PMPCB: variants seen among roughly 807,000 people sequenced by gnomAD.
PMPCB encodes the protein peptidase, mitochondrial processing subunit beta, also known as mitochondrial-processing peptidase subunit beta.
Under a neutral mutation model 61.5 loss-of-function variants are expected in PMPCB, and 46 were observed. The observed-to-expected ratio is 0.75, with a 90% confidence interval of 0.59 to 0.96. The LOEUF is 0.96. PMPCB is among the 40% of genes least tolerant of loss of function. The probability of loss-of-function intolerance (pLI) is 0.00; values close to 1 mark genes in which losing one functional copy is unlikely to be tolerated. For synonymous variants in PMPCB, 191 were observed against 201.6 expected, an observed-to-expected ratio of 0.95 and a Z score of 0.44; for missense variants, 590 against 602.4, an observed-to-expected ratio of 0.98 and a Z score of 0.22.
At position 103,298,603 on chromosome 7, in the gene PMPCB, A is replaced by C; in HGVS notation, c.135A>C (p.Thr45=). 1 of 1,614,060 alleles carries C rather than the reference A, an allele frequency of 6.2e-7. No individual in the cohort carries two copies. The highest frequency in any genetic ancestry group is 8.5e-7 in the Non-Finnish European group (1 of 1,179,898). ...LYFGENRLRS[T]QAATQVVLNV... is the part of the protein sequence containing the mutation. Reference sequence around the variant, plus strand: ...TTGGAGAGAACAGATTAAGAAGTACACAGGCTGCTACCCAAGTTGTTCTGA... The same window carrying C: ...TTGGAGAGAACAGATTAAGAAGTACCCAGGCTGCTACCCAAGTTGTTCTGA... Residue 45 remains threonine, a synonymous_variant, in exon 2 of 13, where the codon ACA becomes ACC. Coordinates refer to ENST00000249269, the MANE Select transcript of PMPCB (RefSeq NM_004279.3).
intron 12 of PMPCB, among the ~76,000 whole-genome samples, chr7:103,326,852 A>G (rs1307011215): frequency 6.6e-6 from 1 of 152,204 alleles, no homozygotes; most frequent in Non-Finnish European, 1.5e-5. Context: ...CTTTAGCACT[A>G]CTGGATATAA....
At chr7:103,297,998 T>C in intron 1 of PMPCB, 1 of 1,096,528 alleles carries the variant, frequency 9.1e-7, no homozygotes, top group East Asian at 7.2e-5. Flanking sequence ...AGAGAGCCTC[T>C]GACTTTAAGC....
chr7:103,314,414 C>T lies in PMPCB; in HGVS notation c.*2143C>T. ...CATAAAAGAGGCAAAGGAGTCATACCCACATAGCACTACTGCCAGTCACTC... is the reference window on the plus strand; with the variant it reads ...CATAAAAGAGGCAAAGGAGTCATACTCACATAGCACTACTGCCAGTCACTC... On this transcript the variant is annotated 3_prime_UTR_variant, in exon 13 of 13. Coordinates refer to ENST00000249269, the MANE Select transcript of PMPCB (RefSeq NM_004279.3). 1.0e-6 allele frequency: 1 copy of T among 985,324 alleles called. No homozygotes were observed. The highest frequency in any genetic ancestry group is 1.2e-6 in the Non-Finnish European group (1 of 829,914). 61.0% of individuals were successfully genotyped at this position (985,324 alleles called of 1,614,324 possible).
chr7:103,313,421 C>T lies in PMPCB; in HGVS notation c.*1150C>T, dbSNP rs1315137218. ...AAAAGCCATATTTAAATTTATAGTA[C>T]TGTTGGACTCTTGGACTCAAAAACA... On this transcript the variant is annotated 3_prime_UTR_variant, in exon 13 of 13. Coordinates refer to ENST00000249269, the MANE Select transcript of PMPCB (RefSeq NM_004279.3). 2.0e-6 allele frequency: 2 copies of T among 982,918 alleles called. No homozygotes were observed. Among genetic ancestry groups the T allele is most frequent in the Admixed American group, 1.2e-4 (2 of 16,266 alleles). 60.9% of individuals were successfully genotyped at this position (982,918 alleles called of 1,614,324 possible).
intron 12 of PMPCB, chr7:103,321,985 T>C (rs759061813): frequency 6.2e-7 from 1 of 1,614,134 alleles, no homozygotes; most frequent in Non-Finnish European, 8.5e-7. Flanking sequence ...TTTTTCTGGA[T>C]ATCTTTTTCC....
At chr7:103,299,115 G>C (rs1038774739) in intron 2 of PMPCB, among the ~76,000 whole-genome samples, 24 of 152,206 alleles carry the variant, frequency 1.6e-4, no homozygotes, top group Admixed American at 1.6e-3. Flanking sequence ...AGGTAACTCA[G>C]CTAATACATG....
chr7:103,312,338 G>C lies in PMPCB; in HGVS notation c.*67G>C. ...AACAGAGCTAGAGAAAAATAAAAAT[G>C]AACATGTATATACATTTGGAAATTT... is the stretch of plus-strand genomic sequence containing the variant. On this transcript the variant is annotated 3_prime_UTR_variant, in exon 13 of 13. Transcript: ENST00000249269. The C allele has an allele frequency of 6.3e-7, 1 of 1,591,584 alleles. No homozygotes were observed. The highest frequency in any genetic ancestry group is 2.2e-5 in the East Asian group (1 of 44,674).
At chr7:103,298,936 ATTAT>A (rs1176074513) in intron 2 of PMPCB, among the ~76,000 whole-genome samples, 1 of 152,166 alleles carries the variant, frequency 6.6e-6, no homozygotes, top group Non-Finnish European at 1.5e-5. Flanking sequence ...CTTATTATTG[ATTAT>A]TTATTTTCAG....
intron 1 of PMPCB, 82 bp from the exon 2 acceptor site, chr7:103,298,486 A>G: frequency 7.5e-7 from 1 of 1,330,992 alleles, no homozygotes; most frequent in Non-Finnish European, 1.0e-6. Flanking sequence ...TATTTAAAAT[A>G]GATTTGGTTT....
chr7:103,314,606 T>A lies in PMPCB; in HGVS notation c.*2335T>A. On this transcript the variant is annotated 3_prime_UTR_variant, in exon 13 of 13. Coordinates refer to ENST00000249269, the MANE Select transcript of PMPCB (RefSeq NM_004279.3). ...AGGTGCAGGAGAATAAACTCCTTTA[T>A]AAAGAAGTGTCTTTCAGGTGTTCTG... 1 of 985,414 alleles carries A rather than the reference T, an allele frequency of 1.0e-6. No homozygotes were observed. The highest frequency in any genetic ancestry group is 1.2e-6 in the Non-Finnish European group (1 of 829,894). 61.0% of individuals were successfully genotyped at this position (985,414 alleles called of 1,614,324 possible).
intron 2 of PMPCB, 124 bp downstream of exon 2, chr7:103,298,832 A>G: frequency 2.3e-6 from 2 of 867,170 alleles, no homozygotes; most frequent in East Asian, 5.3e-5. Context: ...TTGCCTTGAC[A>G]GATTTCCATG....
chr7:103,343,122 C>T, the PMPCB span, among the ~76,000 whole-genome samples: 7 of 152,168 alleles, frequency 4.6e-5, no homozygotes, highest in African/African-American at 9.6e-5. Context: ...GCCTCAGCCT[C>T]CCAAGTTGCT....
At chr7:103,316,782 C>A, downstream of PMPCB, 1 of 1,475,882 alleles carries the variant, frequency 6.8e-7, no homozygotes, top group Non-Finnish European at 9.4e-7. Context: ...TCTACATTAT[C>A]TCCAGGCTCC....
downstream of PMPCB, chr7:103,314,707 T>G (rs1294700349): frequency 1.1e-6 from 1 of 950,806 alleles, no homozygotes; most frequent in Non-Finnish European, 1.3e-6. Flanking sequence ...TCACTGCTGA[T>G]TTTTGCAATG....
the PMPCB span, among the ~76,000 whole-genome samples, chr7:103,343,221 G>C: frequency 6.6e-6 from 1 of 151,642 alleles, no homozygotes; most frequent in African/African-American, 2.4e-5. Context: ...GGCTGGTCTC[G>C]AACTGCTGAC....
chr7:103,317,298 G>A, downstream of PMPCB: 1 of 332,124 alleles, frequency 3.0e-6, no homozygotes, highest in Non-Finnish European at 5.4e-6. Context: ...CAAGTCTGTG[G>A]GTCACTGAGT....
downstream of PMPCB, chr7:103,315,842 TTTTA>T: frequency 6.2e-7 from 1 of 1,613,650 alleles, no homozygotes. Flanking sequence ...TCAAATGCCT[TTTTA>T]TTTATGTCAT....
At chr7:103,312,167 G>C in intron 12 of PMPCB, 36 bp downstream of exon 12, 1 of 1,613,922 alleles carries the variant, frequency 6.2e-7, no homozygotes. Flanking sequence ...GCAAAAAGTT[G>C]GCCAAGTACT....
downstream of PMPCB, chr7:103,316,017 A>G (rs774911710): frequency 4.6e-5 from 74 of 1,601,506 alleles, no homozygotes; most frequent in South Asian, 9.0e-5. Flanking sequence ...TGCTTTGCCA[A>G]TAACATCTTT....
Sources: gnomAD v4.1 joint callset for allele counts (sites outside exome capture counted in the v4.1 genomes callset) on GRCh38, gnomAD v4.1.1 for gene constraint, MANE v1.5 for transcripts, NCBI Gene and HGNC (gene_info 2026-07-23, HGNC 2026-07-21) for gene names.